The following CCDC33 variants were observed in gnomAD, a reference collection of about 807,000 sequenced individuals.
CCDC33 encodes the protein coiled-coil domain containing 33, also known as coiled-coil domain-containing protein 33.
Under a neutral mutation model 91.9 loss-of-function variants are expected in CCDC33, and 94 were observed. The observed-to-expected ratio is 1.02, with a 90% CI of 0.87 to 1.21. The LOEUF (loss-of-function observed/expected upper bound fraction) is 1.21. Ranked by LOEUF, CCDC33 falls within the 50% of genes most tolerant of loss-of-function variation. The pLI is 0.00. For synonymous variants in CCDC33, 396 were observed against 374.5 expected (o/e 1.06, Z -0.66); for missense variants, 940 against 935.5 (o/e 1.00, Z -0.06).
At chr15:74,307,560 G>T (rs186536299) in intron 11 of CCDC33, among the ~76,000 whole-genome samples, 1 of 152,176 alleles carries the variant, frequency 6.6e-6, no homozygotes, top group Admixed American at 6.5e-5. Context: ...TGACTTGGAA[G>T]TCAGGAGCCT....
intron 2 of CCDC33, among the ~76,000 whole-genome samples, chr15:74,223,850 C>T (rs2074698688): frequency 7.0e-6 from 1 of 141,960 alleles, no homozygotes; most frequent in Non-Finnish European, 1.6e-5. Context: ...TTGATTTTCT[C>T]CTCTGCCACT....
intron 10 of CCDC33, among the ~76,000 whole-genome samples, chr15:74,288,468 G>A (rs1384068713): frequency 6.6e-6 from 1 of 152,140 alleles, no homozygotes; most frequent in Non-Finnish European, 1.5e-5. Context: ...CCCTCTCTCT[G>A]AATACATTCT....
rs116109341 is a variant in CCDC33, at chr15:74,251,402, G to T, written c.185+7254G>T. 5.7e-3 allele frequency among the ~76,000 whole-genome samples: 873 copies of T among 152,356 alleles called. 9 individuals are homozygous for T. Among genetic ancestry groups the T allele is most frequent in the African/African-American group, 0.02 (843 of 41,580 alleles). On this transcript the variant is annotated intron_variant, in intron 2 of 18. Transcript: ENST00000398814. ...ACCAGGAAGACAGTGGCACTGACAG[G>T]CACGGGGTGCCCCAGTGGACAGGAT... is the stretch of plus-strand genomic sequence containing the variant.
At chr15:74,273,198 A>G (rs1321386913) in intron 7 of CCDC33, among the ~76,000 whole-genome samples, 1 of 152,242 alleles carries the variant, frequency 6.6e-6, no homozygotes, top group Non-Finnish European at 1.5e-5. Flanking sequence ...ACAAAAGGAC[A>G]AATATATGAT....
chr15:74,251,494 T>C (rs2075706948), intron 2 of CCDC33, among the ~76,000 whole-genome samples: 1 of 152,220 alleles, frequency 6.6e-6, no homozygotes. Flanking sequence ...AAAGGCTGCA[T>C]GTCAGGGCTG....
chr15:74,239,681 C>A (rs2075285021), intron 1 of CCDC33, among the ~76,000 whole-genome samples: 1 of 152,172 alleles, frequency 6.6e-6, no homozygotes, highest in Non-Finnish European at 1.5e-5. Context: ...GATCTCTGCA[C>A]CCTAGCAGTG....
chr15:74,223,945 C>G (rs1386017550), intron 2 of CCDC33, among the ~76,000 whole-genome samples: 1 of 152,114 alleles, frequency 6.6e-6, no homozygotes, highest in Non-Finnish European at 1.5e-5. Flanking sequence ...GCAGGCAGCT[C>G]CCCCTTCTCC....
exon 2 of CCDC33, chr15:74,209,407 T>G: frequency 6.5e-7 from 1 of 1,535,606 alleles, no homozygotes; most frequent in Non-Finnish European, 8.7e-7. Flanking sequence ...GCCTGATGAA[T>G]TGCCAGAGGG....
intron 7 of CCDC33, among the ~76,000 whole-genome samples, chr15:74,274,202 A>T (rs1028222107): frequency 1.3e-5 from 2 of 152,210 alleles, no homozygotes; most frequent in Non-Finnish European, 2.9e-5. Flanking sequence ...TGTGAGGTGG[A>T]GACAGGCAGG....
intron 3 of CCDC33, among the ~76,000 whole-genome samples, chr15:74,264,869 G>A (rs2076126759): frequency 6.6e-6 from 1 of 152,178 alleles, no homozygotes; most frequent in Non-Finnish European, 1.5e-5. Flanking sequence ...GTTCAGAGAG[G>A]TTAAATTACT....
intron 4 of CCDC33, among the ~76,000 whole-genome samples, chr15:74,267,627 C>T (rs183794131): frequency 4.9e-4 from 74 of 152,210 alleles, no homozygotes; most frequent in Non-Finnish European, 8.8e-4. Context: ...GCATTCCAGA[C>T]CCTGAAAGTG....
At chr15:74,235,146 C>T (rs1375809509), upstream of CCDC33, among the ~76,000 whole-genome samples, 2 of 152,188 alleles carry the variant, frequency 1.3e-5, no homozygotes, top group Admixed American at 6.5e-5. Context: ...GTCAGGCCCC[C>T]AGCCCCAGAG....
intron 5 of CCDC33, 141 bp from the exon 6 acceptor site, chr15:74,271,562 A>C: frequency 8.1e-6 from 5 of 618,908 alleles, no homozygotes; most frequent in Middle Eastern, 2.6e-4. Flanking sequence ...AAGGCAGGGA[A>C]CAGGGAGAAG....
chr15:74,313,904 A>C (rs2060041049), intron 11 of CCDC33, among the ~76,000 whole-genome samples: 1 of 152,040 alleles, frequency 6.6e-6, no homozygotes. Context: ...TTGGACTTAC[A>C]TCCAAGGTCC....
At chr15:74,332,379 G>C (rs973328440) in intron 15 of CCDC33, among the ~76,000 whole-genome samples, 3 of 152,208 alleles carry the variant, frequency 2.0e-5, no homozygotes, top group African/African-American at 7.2e-5. Context: ...GAAACAGCCA[G>C]ATCAAAGGCC....
At chr15:74,228,632 G>A (rs1453716411) in intron 2 of CCDC33, among the ~76,000 whole-genome samples, 1 of 152,240 alleles carries the variant, frequency 6.6e-6, no homozygotes, top group Non-Finnish European at 1.5e-5. Context: ...CTGGTCTTGA[G>A]TCACTATTGG....
chr15:74,263,846 ATGG>A (rs1185222058), intron 3 of CCDC33, among the ~76,000 whole-genome samples: 1 of 152,058 alleles, frequency 6.6e-6, no homozygotes, highest in Non-Finnish European at 1.5e-5. Flanking sequence ...ATGAATCTGG[ATGG>A]TGGTGTATGC....
intron 2 of CCDC33, chr15:74,221,191 CCA>C: frequency 2.0e-6 from 2 of 976,732 alleles, no homozygotes; most frequent in Non-Finnish European, 2.4e-6. Flanking sequence ...AAGTTGTTCT[CCA>C]GTTTGTGTAG....
intron 2 of CCDC33, among the ~76,000 whole-genome samples, chr15:74,223,796 A>ACACACACACACACACAC (rs57838267): frequency 2.1e-5 from 3 of 139,678 alleles, no homozygotes; most frequent in Non-Finnish European, 3.1e-5. Flanking sequence ...ACACACACAC[A>ACACACACACACACACAC]GCAGACAGCA....
Sources: gnomAD v4.1 joint callset for allele counts (sites outside exome capture counted in the v4.1 genomes callset) on GRCh38, gnomAD v4.1.1 for gene constraint, MANE v1.5 for transcripts, NCBI Gene and HGNC (gene_info 2026-07-23, HGNC 2026-07-21) for gene names.